OXR1: variants seen among roughly 807,000 people sequenced by gnomAD.
OXR1 encodes oxidation resistance 1.
In OXR1, 41 loss-of-function variants were observed where a neutral mutation model predicts 104.6. The observed-to-expected ratio is 0.39, with a 90% CI of 0.31 to 0.51. The LOEUF is 0.51. Among genes scored for constraint, OXR1 ranks in the 20% least tolerant of loss-of-function variants. OXR1 has a pLI of 0.77. For synonymous variants in OXR1, 348 were observed against 348.4 expected, an observed-to-expected ratio of 1.00 and a Z score of 0.01; for missense variants, 955 against 1,031.9, an observed-to-expected ratio of 0.93 and a Z score of 1.02.
chr8:106,342,044 TA>T (rs35232318), intron 1 of OXR1, among the ~76,000 whole-genome samples: 26 of 145,628 alleles, frequency 1.8e-4, no homozygotes, highest in East Asian at 8.2e-4. Flanking sequence ...CCCAGCTGAT[TA>T]AAAAAAAAAA....
At chr8:106,396,595 A>ACCAAC (rs1817792464) in intron 2 of OXR1, among the ~76,000 whole-genome samples, 1 of 152,128 alleles carries the variant, frequency 6.6e-6, no homozygotes, top group Non-Finnish European at 1.5e-5. Context: ...TGACAACTAA[A>ACCAAC]TGCAGTATGG....
intron 2 of OXR1, among the ~76,000 whole-genome samples, chr8:106,437,117 A>G (rs572365842): frequency 6.6e-6 from 1 of 152,266 alleles, no homozygotes; most frequent in African/African-American, 2.4e-5. Flanking sequence ...GCTGTCTTTT[A>G]TCTCCATATA....
At chr8:106,325,879 C>T (rs1563718905) in intron 1 of OXR1, among the ~76,000 whole-genome samples, 1 of 152,104 alleles carries the variant, frequency 6.6e-6, no homozygotes, top group African/African-American at 2.4e-5. Flanking sequence ...AATCCTCATT[C>T]AAGGTGAAAG....
At chr8:106,527,741 A>G (rs142613127) in intron 3 of OXR1, among the ~76,000 whole-genome samples, 20 of 152,384 alleles carry the variant, frequency 1.3e-4, no homozygotes, top group Admixed American at 4.6e-4. Flanking sequence ...AATTTACTAA[A>G]TTTAATAAAT....
intron 3 of OXR1, among the ~76,000 whole-genome samples, chr8:106,551,422 T>C (rs919916165): frequency 6.6e-6 from 1 of 152,188 alleles, no homozygotes; most frequent in African/African-American, 2.4e-5. Flanking sequence ...TATAAACTTT[T>C]AATTAGCTAT....
chr8:106,562,259 C>T (rs562276526), intron 3 of OXR1, among the ~76,000 whole-genome samples: 2 of 151,790 alleles, frequency 1.3e-5, no homozygotes, highest in Admixed American at 6.6e-5. Flanking sequence ...TCTATAATAC[C>T]CGTTTAGAGA....
chr8:106,692,209 G>A (rs573935573), intron 6 of OXR1, among the ~76,000 whole-genome samples: 21 of 152,102 alleles, frequency 1.4e-4, no homozygotes, highest in African/African-American at 4.6e-4. Flanking sequence ...TGATCTAGTG[G>A]AATGGGATTT....
intron 1 of OXR1, among the ~76,000 whole-genome samples, chr8:106,302,736 GT>G (rs1813296566): frequency 6.6e-6 from 1 of 152,028 alleles, no homozygotes; most frequent in African/African-American, 2.4e-5. Flanking sequence ...AAGCATACCT[GT>G]TTGGGTTTTT....
chr8:106,629,712 A>G (rs1452005109), intron 3 of OXR1, among the ~76,000 whole-genome samples: 1 of 152,214 alleles, frequency 6.6e-6, no homozygotes, highest in South Asian at 2.1e-4. Flanking sequence ...ATCACCACAA[A>G]GGCATTTCAT....
At chr8:106,479,131 C>T (rs1377403) in intron 2 of OXR1, among the ~76,000 whole-genome samples, 16,389 of 151,948 alleles carry the variant, frequency 0.11, 971 homozygotes, top group African/African-American at 0.15. Context: ...TAACTAAATA[C>T]TACATTAACA....
intron 2 of OXR1, among the ~76,000 whole-genome samples, chr8:106,438,663 T>A (rs1308159057): frequency 2.0e-5 from 3 of 152,156 alleles, no homozygotes; most frequent in Admixed American, 2.0e-4. Context: ...CTCACAGATT[T>A]GTTCTTAGTG....
chr8:106,357,546 A>T (rs17336727), intron 1 of OXR1, among the ~76,000 whole-genome samples: 45,088 of 151,856 alleles, frequency 0.3, 6,940 homozygotes, highest in Admixed American at 0.38. Context: ...ATAGCCACTC[A>T]TATGCGCTTG....
At chr8:106,698,042 C>T (rs1038263783) in intron 7 of OXR1, 24 of 1,532,258 alleles carry the variant, frequency 1.6e-5, no homozygotes, top group Admixed American at 1.2e-4. Context: ...CTGCGGGGAG[C>T]GTTCAAACGG....
intron 3 of OXR1, among the ~76,000 whole-genome samples, chr8:106,601,933 A>C (rs1172962262): frequency 1.3e-5 from 2 of 152,214 alleles, no homozygotes; most frequent in Non-Finnish European, 2.9e-5. Flanking sequence ...AGAGATTCAG[A>C]GCAGTAGATG....
intron 2 of OXR1, among the ~76,000 whole-genome samples, chr8:106,467,413 G>T (rs1036982306): frequency 2.0e-5 from 3 of 151,822 alleles, no homozygotes; most frequent in Non-Finnish European, 4.4e-5. Flanking sequence ...CTATTTGCAA[G>T]TTAGCCTGTC....
chr8:106,593,477 TTAA>T (rs1471430844), intron 3 of OXR1, among the ~76,000 whole-genome samples: 4 of 152,252 alleles, frequency 2.6e-5, no homozygotes, highest in Non-Finnish European at 5.9e-5. Context: ...AACCTTTTTA[TTAA>T]TAATTGATTC....
At chr8:106,621,692 T>G (rs932145561) in intron 3 of OXR1, among the ~76,000 whole-genome samples, 1 of 152,106 alleles carries the variant, frequency 6.6e-6, no homozygotes, top group Non-Finnish European at 1.5e-5. Flanking sequence ...AGGGATACTT[T>G]GAAAAGGCAA....
At chr8:106,358,217 A>G (rs1816064363) in intron 1 of OXR1, among the ~76,000 whole-genome samples, 1 of 152,180 alleles carries the variant, frequency 6.6e-6, no homozygotes, top group Admixed American at 6.5e-5. Flanking sequence ...GAAAGAATAC[A>G]CCTCCTTCCC....
At chr8:106,580,567 A>G (rs1164634314) in intron 3 of OXR1, among the ~76,000 whole-genome samples, 1 of 152,166 alleles carries the variant, frequency 6.6e-6, no homozygotes, top group Non-Finnish European at 1.5e-5. Context: ...CTTGCTTTCA[A>G]TTGTTTGGAA....
Sources: gnomAD v4.1 joint callset for allele counts (sites outside exome capture counted in the v4.1 genomes callset) on GRCh38, gnomAD v4.1.1 for gene constraint, MANE v1.5 for transcripts, NCBI Gene and HGNC (gene_info 2026-07-23, HGNC 2026-07-21) for gene names.